Variants in PRKN observed in about 807,000 individuals in gnomAD.
PRKN encodes parkin RBR E3 ubiquitin protein ligase, also known as E3 ubiquitin-protein ligase parkin.
In PRKN, 56 loss-of-function variants were observed where a neutral mutation model predicts 59.5. The ratio of observed to expected loss-of-function variants is 0.94; its 90% CI spans 0.76 to 1.18. PRKN has a LOEUF of 1.18. PRKN is among the 50% of genes most tolerant of loss of function. The pLI is 0.00. For synonymous variants in PRKN, 250 were observed against 222.1 expected (o/e 1.13, Z -1.12); for missense variants, 657 against 596.4 (o/e 1.10, Z -1.06).
At chr6:161,642,322 G>A (rs529785549) in intron 7 of PRKN, among the ~76,000 whole-genome samples, 1 of 152,266 alleles carries the variant, frequency 6.6e-6, no homozygotes, top group African/African-American at 2.4e-5. Flanking sequence ...TTTAACTTGA[G>A]TTAATACAAA....
Position 161,362,630 on chromosome 6 carries a change from C to T in PRKN, c.1168-2425G>A, listed in dbSNP as rs187506022. On this transcript the variant is annotated intron_variant, in intron 10 of 11. Coordinates refer to ENST00000366898, the MANE Select transcript of PRKN (RefSeq NM_004562.3). The surrounding 1 kb of genome is among the most constrained non-coding windows in gnomAD (Gnocchi z 5.2). ...ATTCCTAACCATCAGGCCTCGGACA[C>T]GAGGGTTGGTGAAAAGAATTCATCC... Among the ~76,000 whole-genome samples the T allele has an allele frequency of 1.3e-5, 2 of 152,246 alleles. No individual in the cohort carries two copies. Among genetic ancestry groups the T allele is most frequent in the African/African-American group, 2.4e-5 (1 of 41,532 alleles).
At chr6:161,717,269 C>A (rs1276685253) in intron 7 of PRKN, among the ~76,000 whole-genome samples, 1 of 152,180 alleles carries the variant, frequency 6.6e-6, no homozygotes, top group African/African-American at 2.4e-5. Flanking sequence ...TGATGGAATG[C>A]GGACGGGCAA....
chr6:162,253,500 A>G (rs1448164103), intron 3 of PRKN, among the ~76,000 whole-genome samples: 1 of 152,208 alleles, frequency 6.6e-6, no homozygotes, highest in African/African-American at 2.4e-5. Context: ...TCCAAAATAA[A>G]TAACTGTTAC....
chr6:162,689,354 C>A lies in PRKN; in HGVS notation c.7+38308G>T, dbSNP rs887621858. Among the ~76,000 whole-genome samples, 5 of 151,440 alleles carry A rather than the reference C, an allele frequency of 3.3e-5. 1 individual carries two copies. The East Asian group carries it at 9.7e-4, about 29-fold the overall frequency. The stretch of plus-strand genomic sequence containing the variant: ...AACACTGAAGATCTGTTAAAGAGCT[C>A]CAACTACTATAGGAAAAAAAAAACT... On this transcript the variant is annotated intron_variant, in intron 1 of 11. Transcript: ENST00000366898.
intron 4 of PRKN, among the ~76,000 whole-genome samples, chr6:162,164,629 T>C (rs1226234389): frequency 6.7e-6 from 1 of 149,194 alleles, no homozygotes; most frequent in Admixed American, 6.7e-5. Flanking sequence ...CTGCTACCAT[T>C]TGGAATCCAG....
chr6:162,672,721 T>C (rs1053773555), intron 1 of PRKN, among the ~76,000 whole-genome samples: 1 of 149,938 alleles, frequency 6.7e-6, no homozygotes, highest in African/African-American at 2.5e-5. Context: ...TGTGTGTGTA[T>C]GCATGTGTAT....
intron 2 of PRKN, among the ~76,000 whole-genome samples, chr6:162,354,503 T>A (rs1214115703): frequency 2.0e-5 from 3 of 152,076 alleles, no homozygotes; most frequent in African/African-American, 7.2e-5. Context: ...ATGTACTTTT[T>A]AAAGTATACT....
At chr6:162,590,068 A>ATG (rs35390372) in intron 1 of PRKN, among the ~76,000 whole-genome samples, 15,540 of 152,102 alleles carry the variant, frequency 0.1, 929 homozygotes, top group Middle Eastern at 0.19. Flanking sequence ...TTCACGTAAG[A>ATG]TGTGTGTGTG....
intron 5 of PRKN, among the ~76,000 whole-genome samples, chr6:162,049,421 A>T (rs1026753649): frequency 6.6e-6 from 1 of 152,172 alleles, no homozygotes; most frequent in Non-Finnish European, 1.5e-5. Flanking sequence ...AGAGTGAAAG[A>T]GTTGAGCTCA....
At chr6:161,929,238 G>A (rs1562396978) in intron 6 of PRKN, among the ~76,000 whole-genome samples, 1 of 152,048 alleles carries the variant, frequency 6.6e-6, no homozygotes, top group African/African-American at 2.4e-5. Context: ...TATATAATAC[G>A]ATTCCTTTTA....
At position 161,766,314 on chromosome 6, in the gene PRKN, A is replaced by AT. The variant is rs758294050; in HGVS notation, c.871+19457dup. Reference sequence around the variant, plus strand: ...ACTTATGCCTGCTGTCATTGACCACATTTTTTTTTTTTTAGACAGAGTCTC... The same window carrying AT: ...ACTTATGCCTGCTGTCATTGACCACATTTTTTTTTTTTTTAGACAGAGTCTC... On this transcript the variant is annotated intron_variant, in intron 7 of 11. Transcript: ENST00000366898. Among the ~76,000 whole-genome samples, 76 of 139,602 alleles carry AT rather than the reference A, an allele frequency of 5.4e-4. 1 individual carries two copies. Among genetic ancestry groups the AT allele is most frequent in the African/African-American group, 7.5e-4 (28 of 37,328 alleles). 91.6% of individuals were successfully genotyped at this position (139,602 alleles called of 152,430 possible). A position where few individuals can be genotyped will look rare whatever the true frequency, so the allele number is the denominator to read the frequency against.
intron 3 of PRKN, among the ~76,000 whole-genome samples, chr6:162,236,013 G>A (rs1778691036): frequency 6.7e-6 from 1 of 149,622 alleles, no homozygotes; most frequent in Non-Finnish European, 1.5e-5. Context: ...AAGAAAGAAA[G>A]AAAGAAAGAA....
rs767839429 is a variant in PRKN, at chr6:162,329,239, G to A, written c.172-66474C>T. ...CAGTGTGTGAGTGAAAATGAGGACG[G>A]AAGAGCGGGTGCAGCACGGGGGACC... On this transcript the variant is annotated intron_variant, in intron 2 of 11. Coordinates refer to ENST00000366898, the MANE Select transcript of PRKN (RefSeq NM_004562.3). 9.9e-5 allele frequency among the ~76,000 whole-genome samples: 15 copies of A among 152,132 alleles called. 1 individual carries two copies. Among genetic ancestry groups the A allele is most frequent in the Non-Finnish European group, 1.6e-4 (11 of 68,022 alleles).
intron 2 of PRKN, among the ~76,000 whole-genome samples, chr6:162,356,995 A>C (rs372281851): frequency 6.6e-6 from 1 of 151,846 alleles, no homozygotes; most frequent in East Asian, 1.9e-4. Flanking sequence ...ATAAACTTCA[A>C]TATAAAATGC....
intron 4 of PRKN, among the ~76,000 whole-genome samples, chr6:162,142,112 A>G (rs1781812781): frequency 6.6e-6 from 1 of 152,212 alleles, no homozygotes. Flanking sequence ...AAACTGCAAT[A>G]AGTCTGAAAA....
chr6:162,576,534 T>G (rs1189042842), intron 1 of PRKN, among the ~76,000 whole-genome samples: 1 of 152,108 alleles, frequency 6.6e-6, no homozygotes, highest in Non-Finnish European at 1.5e-5. Flanking sequence ...ACTACTGGCT[T>G]GGTGCAGTGG....
chr6:161,679,120 C>T (rs1215925072), intron 7 of PRKN, among the ~76,000 whole-genome samples: 1 of 152,174 alleles, frequency 6.6e-6, no homozygotes, highest in African/African-American at 2.4e-5. Flanking sequence ...ACATCATGAG[C>T]AGTCACCCTT....
chr6:161,623,517 C>T (rs909483830), intron 7 of PRKN, among the ~76,000 whole-genome samples: 2 of 152,198 alleles, frequency 1.3e-5, no homozygotes, highest in Non-Finnish European at 2.9e-5. Context: ...AAGGGAGCGA[C>T]AGACAGCTTT....
At chr6:161,718,383 C>A (rs1787078402) in intron 7 of PRKN, among the ~76,000 whole-genome samples, 1 of 151,522 alleles carries the variant, frequency 6.6e-6, no homozygotes, top group African/African-American at 2.4e-5. Context: ...TGAGACTGAT[C>A]CAGTGTGGAG....
Sources: gnomAD v4.1 joint callset for allele counts (sites outside exome capture counted in the v4.1 genomes callset) on GRCh38, gnomAD v4.1.1 for gene constraint, Gnocchi (gnomAD v3.1) non-coding constraint, MANE v1.5 for transcripts, NCBI Gene and HGNC (gene_info 2026-07-23, HGNC 2026-07-21) for gene names.